ADAMTSL1: variants seen among roughly 807,000 people sequenced by gnomAD.
ADAMTSL1 encodes ADAMTS like 1, also known as ADAMTS-like protein 1.
In ADAMTSL1, 126 loss-of-function variants were observed where a neutral mutation model predicts 201.8. That is an observed-to-expected ratio of 0.62 (90% CI 0.54 to 0.72). The LOEUF (loss-of-function observed/expected upper bound fraction) is 0.72, where lower values mean the gene tolerates loss of function less well. ADAMTSL1 is among the 30% of genes least tolerant of loss of function. The probability of loss-of-function intolerance (pLI) is 0.00; values close to 1 mark genes in which losing one functional copy is unlikely to be tolerated. For missense variants in ADAMTSL1, 2,679 were observed against 2,277.8 expected (o/e 1.18, Z -3.59); for synonymous variants, 1,121 against 903.4 (o/e 1.24, Z -4.32).
At chr9:18,286,064 C>G (rs181069374) in intron 2 of ADAMTSL1, among the ~76,000 whole-genome samples, 1 of 152,020 alleles carries the variant, frequency 6.6e-6, no homozygotes, top group Non-Finnish European at 1.5e-5. Context: ...TGGATTTACA[C>G]CTGTATTTGT....
At chr9:18,889,380 A>T (rs1829097288) in intron 24 of ADAMTSL1, among the ~76,000 whole-genome samples, 188 bp from the exon 25 acceptor site, 1 of 152,076 alleles carries the variant, frequency 6.6e-6, no homozygotes, top group African/African-American at 2.4e-5. Context: ...GCCCCTAGAG[A>T]CCACGTGACT....
rs1340341509 is a variant in ADAMTSL1, at chr9:18,181,117, C to T, written c.207+17136C>T. 3.9e-5 allele frequency among the ~76,000 whole-genome samples: 6 copies of T among 152,256 alleles called. No homozygotes were observed. In the East Asian group the frequency reaches 1.2e-3, roughly 29 times the overall value. ...GCTGAAACTGGATCCCTTCCTTACACCTTATACAAAAATCAATTCAAGATG... is the reference window on the plus strand; with the variant it reads ...GCTGAAACTGGATCCCTTCCTTACATCTTATACAAAAATCAATTCAAGATG... On this transcript the variant is annotated intron_variant, in intron 2 of 29. Coordinates refer to the ADAMTSL1 transcript ENST00000680146.
intron 1 of ADAMTSL1, among the ~76,000 whole-genome samples, chr9:18,503,562 G>T (rs1282646870): frequency 1.3e-5 from 2 of 151,632 alleles, no homozygotes; most frequent in East Asian, 3.9e-4. Context: ...CATTGTTGTA[G>T]TATCTTTATT....
chr9:18,012,798 C>T (rs1820107138), intron 1 of ADAMTSL1, among the ~76,000 whole-genome samples: 2 of 151,952 alleles, frequency 1.3e-5, no homozygotes, highest in African/African-American at 4.8e-5. Context: ...GTCTTTCTTG[C>T]TTCTCCTTAA....
At position 18,639,102 on chromosome 9, in the gene ADAMTSL1, T is replaced by C. The variant is rs114935743; in HGVS notation, c.677-152T>C. On this transcript the variant is annotated intron_variant, in intron 6 of 28. Coordinates refer to ENST00000380548, the MANE Select transcript of ADAMTSL1 (RefSeq NM_001040272.6). Reference sequence around the variant, plus strand: ...CCTATGTGACTCAGCAGTGCCTGTATAGTTTGTTGATATCACAATTTCAAT... The same window carrying C: ...CCTATGTGACTCAGCAGTGCCTGTACAGTTTGTTGATATCACAATTTCAAT... The C allele has an allele frequency of 4.2e-3, 2,810 of 675,000 alleles. 67 individuals carry two copies. In the African/African-American group the frequency reaches 0.045, roughly 11 times the overall value. 41.8% of individuals were successfully genotyped at this position (675,000 alleles called of 1,614,324 possible).
At chr9:18,493,243 G>T (rs560514539) in intron 1 of ADAMTSL1, among the ~76,000 whole-genome samples, 70 of 152,226 alleles carry the variant, frequency 4.6e-4, no homozygotes, top group African/African-American at 1.6e-3. Flanking sequence ...CTTCTATCAG[G>T]TTATTTTTCC....
chr9:18,410,762 G>C (rs1023809746), intron 2 of ADAMTSL1, among the ~76,000 whole-genome samples: 1 of 151,732 alleles, frequency 6.6e-6, no homozygotes, highest in African/African-American at 2.4e-5. Context: ...GGGTCAAATG[G>C]TATTTCTGCC....
At chr9:18,003,743 C>T (rs542093851) in intron 1 of ADAMTSL1, among the ~76,000 whole-genome samples, 52 of 152,152 alleles carry the variant, frequency 3.4e-4, no homozygotes, top group African/African-American at 1.2e-3. Flanking sequence ...ATATTTCAAA[C>T]CAAACTTCTT....
Position 18,688,659 on chromosome 9 carries a change from CAAAAAAAAAA to C in ADAMTSL1, c.1574+3881_1574+3890del, listed in dbSNP as rs61505157. The stretch of plus-strand genomic sequence containing the variant: ...CTCCAGCCTGGGTAACAGAGCATTT[CAAAAAAAAAA>C]AAAAAAAAAAAAAAAAAAAAATATA... On this transcript the variant is annotated intron_variant, in intron 13 of 28. Coordinates refer to ENST00000380548, the MANE Select transcript of ADAMTSL1 (RefSeq NM_001040272.6). Among the ~76,000 whole-genome samples, 26 of 6,680 alleles carry C rather than the reference CAAAAAAAAAA, an allele frequency of 3.9e-3. 1 individual carries two copies. Among genetic ancestry groups the C allele is most frequent in the Non-Finnish European group, 1.5e-3 (5 of 3,230 alleles). The allele number at this position is 6,680 out of a possible 152,430, so 4.4% of individuals were successfully genotyped here.
intron 1 of ADAMTSL1, among the ~76,000 whole-genome samples, chr9:17,991,872 C>T (rs1819166325): frequency 6.6e-6 from 1 of 152,112 alleles, no homozygotes; most frequent in South Asian, 2.1e-4. Context: ...GGGGGTGCTT[C>T]CTTGGGAACA....
intron 6 of ADAMTSL1, among the ~76,000 whole-genome samples, chr9:18,636,868 TC>T (rs34946727): frequency 0.04 from 6,073 of 152,236 alleles, 219 homozygotes; most frequent in East Asian, 0.13. Context: ...CTGTGATTGT[TC>T]CTGGGTTTCC....
intron 2 of ADAMTSL1, among the ~76,000 whole-genome samples, chr9:18,466,912 C>T (rs1323243217): frequency 6.6e-6 from 1 of 152,116 alleles, no homozygotes; most frequent in Non-Finnish European, 1.5e-5. Context: ...CTCTGAAATT[C>T]AAATTTCATT....
intron 8 of ADAMTSL1, among the ~76,000 whole-genome samples, chr9:18,659,513 C>T (rs1176779347): frequency 1.3e-5 from 2 of 152,178 alleles, no homozygotes; most frequent in Non-Finnish European, 2.9e-5. Flanking sequence ...GCCTGTAATC[C>T]CAGCACTTTG....
chr9:18,694,134 C>T lies in ADAMTSL1; in HGVS notation c.1574+9334C>T, dbSNP rs928767786. ...CAGATCTCGTGAGAACTCACCATCACGAGAACAGCAAGGGAGAAATCTGTC... is the reference window on the plus strand; with the variant it reads ...CAGATCTCGTGAGAACTCACCATCATGAGAACAGCAAGGGAGAAATCTGTC... On this transcript the variant is annotated intron_variant, in intron 13 of 28. Coordinates refer to ENST00000380548, the MANE Select transcript of ADAMTSL1 (RefSeq NM_001040272.6). Among the ~76,000 whole-genome samples the T allele has an allele frequency of 3.9e-4, 59 of 152,082 alleles. 1 individual carries two copies. Among genetic ancestry groups the T allele is most frequent in the Admixed American group, 3.3e-3 (51 of 15,264 alleles).
At chr9:18,329,564 G>C (rs920668196) in intron 2 of ADAMTSL1, among the ~76,000 whole-genome samples, 1 of 152,092 alleles carries the variant, frequency 6.6e-6, no homozygotes, top group African/African-American at 2.4e-5. Flanking sequence ...TTTTCTCATG[G>C]TTTAGGGACC....
At chr9:18,258,124 A>T (rs548142395) in intron 2 of ADAMTSL1, among the ~76,000 whole-genome samples, 4 of 152,356 alleles carry the variant, frequency 2.6e-5, no homozygotes, top group Admixed American at 2.6e-4. Context: ...GGCAAATTTT[A>T]TGTTATGTGT....
chr9:18,345,103 T>C (rs926434019), intron 2 of ADAMTSL1, among the ~76,000 whole-genome samples: 24 of 152,112 alleles, frequency 1.6e-4, no homozygotes, highest in African/African-American at 5.1e-4. Flanking sequence ...TTCCTCACAT[T>C]CACTTTCACT....
rs1388622840 is a variant in ADAMTSL1 at position 18,060,748 on chromosome 9, TTC to T, written c.88-103110_88-103109del. Among the ~76,000 whole-genome samples the T allele has an allele frequency of 2.0e-5, 3 of 152,280 alleles. No individual in the cohort carries two copies. The East Asian group carries it at 5.8e-4, about 29-fold the overall frequency. On this transcript the variant is annotated intron_variant, in intron 1 of 29. Coordinates refer to the ADAMTSL1 transcript ENST00000680146. ...TCCTGAACTTTTAGAAATTCTCAGG[TTC>T]TCTGTTTTTAGAATATGCTTCATCA...
intron 15 of ADAMTSL1, among the ~76,000 whole-genome samples, chr9:18,732,693 G>A (rs1249274309): frequency 6.6e-6 from 1 of 152,068 alleles, no homozygotes; most frequent in African/African-American, 2.4e-5. Context: ...GAAGAAGAAA[G>A]TGAGGAAGGA....
Sources: gnomAD v4.1 joint callset for allele counts (sites outside exome capture counted in the v4.1 genomes callset) on GRCh38, gnomAD v4.1.1 for gene constraint, MANE v1.5 for transcripts, NCBI Gene and HGNC (gene_info 2026-07-23, HGNC 2026-07-21) for gene names.